Variants in DST observed in about 807,000 individuals in gnomAD.
DST encodes the protein dystonin.
Under a neutral mutation model 875.2 loss-of-function variants are expected in DST, and 253 were observed. That is an observed-to-expected ratio of 0.29 (90% confidence interval 0.26 to 0.32). The LOEUF is 0.32. Ranked by LOEUF, DST falls within the 10% of genes least tolerant of loss-of-function variation. The pLI is 1.00. For synonymous variants in DST, 3,124 were observed against 3,197.1 expected, an observed-to-expected ratio of 0.98 and a Z score of 0.77; for missense variants, 8,287 against 9,111.6, an observed-to-expected ratio of 0.91 and a Z score of 3.68.
chr6:56,824,909 G>T lies in DST; in HGVS notation c.625+26488C>A, dbSNP rs368913105. ...AGCCCCCCGCCCGGCCAGCCGCCCC[G>T]TCCGGGAGGTGAGGGGTGCCTCTGC... On this transcript the variant is annotated intron_variant, in intron 4 of 103. Transcript: ENST00000680361. 2.4e-4 allele frequency among the ~76,000 whole-genome samples: 37 copies of T among 151,954 alleles called. No homozygotes were observed. In the East Asian group the frequency reaches 6.8e-3, roughly 28 times the overall value.
chr6:56,742,407 T>C (rs2099550551), intron 4 of DST: 1 of 1,238,324 alleles, frequency 8.1e-7, no homozygotes, highest in African/African-American at 1.5e-5. Flanking sequence ...GTCAGAGTCC[T>C]GTTAACTTTC....
chr6:56,607,739 T>C lies in DST; in HGVS notation c.6889A>G (p.Lys2297Glu), dbSNP rs1296719402. ...PEHEETPENR[K>E]CAIDEEFNEM... ...TTAAATTCTTCATCTATAGCACACT[T>C]TCTATTTTCAGGAGTCTCTTCATGT... Residue 2297 changes from lysine (K) to glutamate (E), a missense_variant, in exon 40 of 104, where the codon AAG (lysine) becomes GAG (glutamate). Physicochemically the swap from Lys to Glu is moderately conservative, Grantham distance 56. This residue lies in a region of DST where 3,138 missense variants were observed against 3,116.6 expected (regional missense o/e 1.01). Transcript: ENST00000680361. 3.7e-6 allele frequency: 6 copies of C among 1,613,414 alleles called. No individual in the cohort carries two copies. Among genetic ancestry groups the C allele is most frequent in the African/African-American group, 1.3e-5 (1 of 74,914 alleles).
Position 56,611,525 on chromosome 6 carries a change from C to CA in DST, c.5129dup (p.Leu1710PhefsTer11). ...CAACATACTTGTCTCCATGTTTTGCCAAAAAAAGCTGTATAGTTTGAAGTG... is the reference window on the plus strand; with the variant it reads ...CAACATACTTGTCTCCATGTTTTGCCAAAAAAAAGCTGTATAGTTTGAAGTG... On this transcript the variant is annotated frameshift_variant, in exon 38 of 104. Coordinates refer to ENST00000680361, the MANE Select transcript of DST (RefSeq NM_001374736.1). LOFTEE classifies it high-confidence loss of function. 1 of 1,611,528 alleles carries CA rather than the reference C, an allele frequency of 6.2e-7. No individual in the cohort carries two copies. Among genetic ancestry groups the CA allele is most frequent in the Non-Finnish European group, 8.5e-7 (1 of 1,178,570 alleles).
At chr6:56,471,783 G>C in intron 94 of DST, 1 of 477,286 alleles carries the variant, frequency 2.1e-6, no homozygotes. Flanking sequence ...ATTATGTCAA[G>C]TTAGATTTTA....
In DST at chr6:56,633,039, T is replaced by A. The variant is rs2098794366; in HGVS notation, c.3622-2A>T. 1 of 1,612,946 alleles carries A rather than the reference T, an allele frequency of 6.2e-7. No homozygotes were observed. The highest frequency in any genetic ancestry group is 1.7e-5 in the Admixed American group (1 of 60,008). Reference sequence around the variant, plus strand: ...TTCACCAGGTAGCATTGTCTTTATCTAAAGAAGACCAAAGACCCATGTAAT... The same window carrying A: ...TTCACCAGGTAGCATTGTCTTTATCAAAAGAAGACCAAAGACCCATGTAAT... On this transcript the variant is annotated splice_acceptor_variant, in intron 27 of 103. Transcript: ENST00000680361. LOFTEE classifies it high-confidence loss of function.
chr6:56,578,964 T>C (rs751825665), intron 49 of DST, 27 bp from the exon 50 acceptor site: 1 of 1,549,432 alleles, frequency 6.5e-7, no homozygotes. Flanking sequence ...TTTTCAATTA[T>C]ACTCAGCAGG....
At chr6:56,668,589 T>C (rs931597009) in intron 10 of DST, among the ~76,000 whole-genome samples, 1 of 150,704 alleles carries the variant, frequency 6.6e-6, no homozygotes, top group African/African-American at 2.4e-5. Context: ...TAAAAATAAA[T>C]AAAAAAAAAT....
chr6:56,749,564 GA>G (rs1005130774), intron 4 of DST, among the ~76,000 whole-genome samples: 5 of 151,986 alleles, frequency 3.3e-5, no homozygotes, highest in African/African-American at 4.8e-5. Flanking sequence ...CATTTTTCAT[GA>G]AAAAAAGTGA....
chr6:56,720,941 G>GC (rs936584479), intron 5 of DST, among the ~76,000 whole-genome samples: 4 of 152,006 alleles, frequency 2.6e-5, no homozygotes, highest in African/African-American at 7.2e-5. Context: ...AGGCAGAGGG[G>GC]CCCCCCACCC....
rs747287220 is a variant in DST, at chr6:56,605,357, G to C, written c.9271C>G (p.Gln3091Glu). Residue 3091 changes from glutamine (Q) to glutamate (E), a missense_variant, in exon 40 of 104, where the codon CAG (glutamine) becomes GAG (glutamate). Physicochemically the swap from Gln to Glu is conservative, Grantham distance 29. Around this residue, in one of 10 missense-constraint regions of DST, gnomAD observed 3,138 missense variants for 3,116.6 expected, o/e 1.01. Transcript: ENST00000680361. ...TTTGTGATTTGTGGAAATGGAAACT[G>C]ACTATTAATTAACTTGAAACTATCC... The part of the protein sequence containing the change: ...TRDSFKLINS[Q>E]FPFPQITNNE... 1 of 1,612,552 alleles carries C rather than the reference G, an allele frequency of 6.2e-7. No homozygotes were observed. Among genetic ancestry groups the C allele is most frequent in the South Asian group, 1.1e-5 (1 of 90,988 alleles).
chr6:56,712,797 TTA>T (rs2099379801), intron 5 of DST, among the ~76,000 whole-genome samples: 1 of 152,164 alleles, frequency 6.6e-6, no homozygotes, highest in East Asian at 1.9e-4. Context: ...TAATTTTAAA[TTA>T]GTTTTATTTA....
At chr6:56,535,320 T>A (rs752630556) in intron 62 of DST, 28 bp from the exon 63 acceptor site, 1 of 1,547,176 alleles carries the variant, frequency 6.5e-7, no homozygotes, top group Non-Finnish European at 8.6e-7. Flanking sequence ...TTTCCACTTA[T>A]TTATTTGTTT....
Position 56,497,882 on chromosome 6 carries a change from G to C in DST, c.20068C>G (p.Gln6690Glu), listed in dbSNP as rs1488483287. 4 of 1,611,676 alleles carry C rather than the reference G, an allele frequency of 2.5e-6. No homozygotes were observed. The African/African-American group carries it at 5.3e-5, about 22-fold the overall frequency. Residue 6690 changes from glutamine (Q) to glutamate (E), a missense_variant, in exon 81 of 104, where the codon CAG becomes GAG. By Grantham distance (29) the Gln-to-Glu change is conservative. This residue lies in a region of DST where 1,292 missense variants were observed against 1,552.7 expected (regional missense o/e 0.83). Transcript: ENST00000680361. Reference protein sequence around the residue: ...NVLEKTEQRKQQLDGALRQAK... With the variant: ...NVLEKTEQRKEQLDGALRQAK... ...TGGCGCAAGGCACCATCCAGCTGCT[G>C]CTTCCTTTGTTCTGTTTTTTCCAAA...
chr6:56,485,070 A>G, intron 88 of DST: 1 of 412,934 alleles, frequency 2.4e-6, no homozygotes, highest in Non-Finnish European at 4.3e-6. Context: ...AAGTTCTAAA[A>G]AGGTTTTAGA....
intron 31 of DST, 108 bp downstream of exon 31, chr6:56,630,137 T>C (rs889908568): frequency 2.5e-5 from 21 of 836,794 alleles, no homozygotes; most frequent in Non-Finnish European, 3.7e-5. Flanking sequence ...ATGGAATAAA[T>C]CCATTCAAAA....
At chr6:56,818,553 T>C (rs2099769389) in intron 4 of DST, among the ~76,000 whole-genome samples, 1 of 152,196 alleles carries the variant, frequency 6.6e-6, no homozygotes, top group African/African-American at 2.4e-5. Flanking sequence ...CTCCAATGAT[T>C]TGAAGAGTGT....
chr6:56,921,223 T>C (rs1030576323), intron 2 of DST, among the ~76,000 whole-genome samples: 3 of 152,194 alleles, frequency 2.0e-5, no homozygotes, highest in African/African-American at 7.2e-5. Flanking sequence ...AGGTTTATTA[T>C]CTAGAAAAGC....
Position 56,487,188 on chromosome 6 carries a change from A to G in DST, c.20963T>C (p.Leu6988Pro). The change falls in exon 87 of 104, where the codon CTG becomes CCG. Residue 6988 changes from leucine to proline, a missense_variant. By Grantham distance (98) the Leu-to-Pro change is moderately conservative. This residue lies in a region of DST where 1,292 missense variants were observed against 1,552.7 expected (regional missense o/e 0.83). Coordinates refer to ENST00000680361, the MANE Select transcript of DST (RefSeq NM_001374736.1). ...TGRSLKEKTSLADDNLKLDDM... is the reference protein window; with the variant it reads ...TGRSLKEKTSPADDNLKLDDM... ...ATCCAGTTTCAGGTTGTCATCAGCC[A>G]GGGAGGTTTTCTCCTTCAGAGAACG... is the stretch of plus-strand genomic sequence containing the variant. The G allele has an allele frequency of 1.9e-6, 3 of 1,613,970 alleles. No homozygotes were observed. The highest frequency in any genetic ancestry group is 2.5e-6 in the Non-Finnish European group (3 of 1,179,854).
At chr6:56,804,352 T>C (rs1184009963) in intron 4 of DST, among the ~76,000 whole-genome samples, 4 of 152,002 alleles carry the variant, frequency 2.6e-5, no homozygotes, top group Non-Finnish European at 4.4e-5. Context: ...TAAAAATAAA[T>C]GTTAAAAAAA....
Sources: allele counts gnomAD v4.1 joint callset (sites outside exome capture counted in the v4.1 genomes callset), GRCh38; gene constraint gnomAD v4.1.1; regional missense constraint gnomAD v4.1.1; transcripts MANE v1.5; gene names NCBI Gene and HGNC (gene_info 2026-07-23, HGNC 2026-07-21).